The following TXN variants were observed in gnomAD, a reference collection of about 807,000 sequenced individuals.
The protein encoded by TXN is thioredoxin.
In TXN, 10 loss-of-function variants were observed where a neutral mutation model predicts 16.5. The ratio of observed to expected loss-of-function variants is 0.61; its 90% CI spans 0.37 to 1.03. The LOEUF (loss-of-function observed/expected upper bound fraction) is 1.03. TXN is among the 50% of genes least tolerant of loss of function. The pLI is 0.01. For missense variants in TXN, 71 were observed against 122.5 expected (o/e 0.58, Z 1.98); for synonymous variants, 35 against 39.4 (o/e 0.89, Z 0.42).
chr9:110,245,699 C>T (rs1467629564), intron 3 of TXN, among the ~76,000 whole-genome samples: 1 of 131,116 alleles, frequency 7.6e-6, no homozygotes, highest in Non-Finnish European at 1.6e-5. Context: ...CTCCATGTTG[C>T]CCAGGCTGGT....
At chr9:110,244,645 T>C (rs1837624361) in intron 4 of TXN, 133 bp downstream of exon 4, 15 of 730,126 alleles carry the variant, frequency 2.1e-5, no homozygotes, top group Non-Finnish European at 3.3e-5. Flanking sequence ...AATTTTGGCA[T>C]ATTTAAAAAT....
chr9:110,251,304 C>A, intron 2 of TXN, 54 bp downstream of exon 2: 1 of 1,337,190 alleles, frequency 7.5e-7, no homozygotes, highest in South Asian at 1.2e-5. Context: ...CCACTGTGAC[C>A]ACCAACTCAA....
Position 110,251,360 on chromosome 9 carries a change from G to A in TXN, c.127C>T (p.His43Tyr). Residue 43 changes from histidine to tyrosine, a missense_variant and splice_region_variant, in exon 2 of 5, where the codon CAT becomes TAT. Physicochemically the swap from His to Tyr is moderately conservative, Grantham distance 83. Coordinates refer to ENST00000374517, the MANE Select transcript of TXN (RefSeq NM_003329.4). The stretch of plus-strand genomic sequence containing the variant: ...AGCAGACATTGTTTAATACTCACAT[G>A]AAAGAAAGGCTTGATCATTTTGCAA... ...GPCKMIKPFF[H>Y]SLSEKYSNVI... 1 of 1,582,142 alleles carries A rather than the reference G, an allele frequency of 6.3e-7. No homozygotes were observed. Among genetic ancestry groups the A allele is most frequent in the Non-Finnish European group, 8.7e-7 (1 of 1,152,638 alleles).
At chr9:110,249,308 A>G (rs28711451) in intron 3 of TXN, among the ~76,000 whole-genome samples, 2 of 40,888 alleles carry the variant, frequency 4.9e-5, no homozygotes, top group Middle Eastern at 0.011. Flanking sequence ...CACTCTTTTT[A>G]AAAAAAAAAA....
intron 3 of TXN, 34 bp downstream of exon 3, chr9:110,250,786 A>C: frequency 2.0e-6 from 3 of 1,520,132 alleles, no homozygotes; most frequent in Non-Finnish European, 2.7e-6. Context: ...CAATGTGAAA[A>C]GCTCAGCAGT....
chr9:110,252,050 G>C (rs1308269457), intron 1 of TXN, among the ~76,000 whole-genome samples: 1 of 151,784 alleles, frequency 6.6e-6, no homozygotes, highest in Admixed American at 6.6e-5. Context: ...ATGGTGAAAT[G>C]CTGTCTCTAC....
chr9:110,254,476 C>T (rs1347498465), intron 1 of TXN, among the ~76,000 whole-genome samples: 2 of 152,208 alleles, frequency 1.3e-5, no homozygotes, highest in Admixed American at 6.5e-5. Flanking sequence ...GGGCCGAGAT[C>T]GCGCCACTGT....
chr9:110,250,203 G>T (rs767488058), intron 3 of TXN, among the ~76,000 whole-genome samples: 1 of 152,182 alleles, frequency 6.6e-6, no homozygotes, highest in Non-Finnish European at 1.5e-5. Flanking sequence ...ATAAAATGGG[G>T]ATGATAACAG....
chr9:110,252,628 G>A (rs1837755737), intron 1 of TXN, among the ~76,000 whole-genome samples: 1 of 152,126 alleles, frequency 6.6e-6, no homozygotes, highest in Non-Finnish European at 1.5e-5. Context: ...GAATATTCTA[G>A]TTACCAAGGA....
chr9:110,245,622 ATAT>A, intron 3 of TXN, among the ~76,000 whole-genome samples: 1 of 19,078 alleles, frequency 5.2e-5, no homozygotes, highest in Non-Finnish European at 8.2e-5. Flanking sequence ...CACACACTAT[ATAT>A]ATATATATAT....
intron 3 of TXN, among the ~76,000 whole-genome samples, chr9:110,246,478 A>G (rs1216255661): frequency 2.6e-5 from 4 of 152,214 alleles, no homozygotes; most frequent in African/African-American, 4.8e-5. Flanking sequence ...TTGGAGCCCA[A>G]TAGAGATTGA....
intron 1 of TXN, among the ~76,000 whole-genome samples, chr9:110,252,855 G>C (rs903849645): frequency 2.0e-5 from 3 of 152,096 alleles, no homozygotes. Flanking sequence ...ATGTTGACCA[G>C]GCTGGTCTTG....
chr9:110,251,421 A>G lies in TXN; in HGVS notation c.66T>C (p.Leu22=), dbSNP rs369965207. The G allele has an allele frequency of 3.3e-5, 53 of 1,612,122 alleles. No individual in the cohort carries two copies. Among genetic ancestry groups the G allele is most frequent in the African/African-American group, 2.0e-4 (15 of 74,842 alleles). Residue 22 remains leucine (L), a synonymous_variant, in exon 2 of 5, where the codon CTT becomes CTC. Transcript: ENST00000374517. ...ACGTGGCTGAGAAGTCAACTACTACAAGTTTATCACCTGCAGCGTCCAAGG... is the reference window on the plus strand; with the variant it reads ...ACGTGGCTGAGAAGTCAACTACTACGAGTTTATCACCTGCAGCGTCCAAGG... The part of the protein sequence containing the change: ...QEALDAAGDK[L]VVVDFSATWC...
chr9:110,244,805 T>C lies in TXN; in HGVS notation c.228A>G (p.Thr76=), dbSNP rs1242592494. 4 of 1,612,994 alleles carry C rather than the reference T, an allele frequency of 2.5e-6. No homozygotes were observed. The highest frequency in any genetic ancestry group is 3.4e-6 in the Non-Finnish European group (4 of 1,179,304). The part of the protein sequence containing the change: ...ASECEVKCMP[T]FQFFKKGQKV... ...TTTGTCCCTTCTTAAAAAACTGGAA[T>C]GTTGGCATGCATTTGACTTCACACT... The change falls in exon 4 of 5, where the codon ACA becomes ACG. Residue 76 remains threonine, a synonymous_variant. Coordinates refer to ENST00000374517, the MANE Select transcript of TXN (RefSeq NM_003329.4).
chr9:110,249,672 A>G (rs899379806), intron 3 of TXN, among the ~76,000 whole-genome samples: 1 of 152,224 alleles, frequency 6.6e-6, no homozygotes, highest in African/African-American at 2.4e-5. Context: ...CACAGAGTCA[A>G]AAACTGGCTA....
intron 1 of TXN, among the ~76,000 whole-genome samples, chr9:110,253,138 T>C (rs1342295964): frequency 6.8e-6 from 1 of 146,426 alleles, no homozygotes; most frequent in African/African-American, 2.5e-5. Flanking sequence ...AACCATAAGA[T>C]AAAAAACCAA....
At chr9:110,251,953 T>C (rs1214293839) in intron 1 of TXN, among the ~76,000 whole-genome samples, 2 of 152,234 alleles carry the variant, frequency 1.3e-5, no homozygotes, top group East Asian at 3.9e-4. Context: ...TGGCTGGGCA[T>C]GGTGGCTCAC....
At chr9:110,248,911 G>A (rs1407828366) in intron 3 of TXN, among the ~76,000 whole-genome samples, 2 of 151,818 alleles carry the variant, frequency 1.3e-5, no homozygotes, top group African/African-American at 2.4e-5. Flanking sequence ...TCAGGAGTTC[G>A]AGACCAGCCT....
At chr9:110,244,305 A>ATATACATATACATATGTATATC (rs1192837118) in intron 4 of TXN, 86 bp from the exon 5 acceptor site, 1 of 379,104 alleles carries the variant, frequency 2.6e-6, no homozygotes, top group Admixed American at 4.9e-5. Flanking sequence ...GTATTTATAT[A>ATATACATATACATATGTATATC]TATACATATA....
Sources: gnomAD v4.1 joint callset for allele counts (sites outside exome capture counted in the v4.1 genomes callset) on GRCh38, gnomAD v4.1.1 for gene constraint, MANE v1.5 for transcripts, NCBI Gene and HGNC (gene_info 2026-07-23, HGNC 2026-07-21) for gene names.